Variants in LRP1B observed in about 807,000 individuals in gnomAD.
The protein encoded by LRP1B is LDL receptor related protein 1B, also known as low-density lipoprotein receptor-related protein 1B.
Under a neutral mutation model 556.6 loss-of-function variants are expected in LRP1B, and 217 were observed. The observed-to-expected ratio is 0.39, with a 90% confidence interval of 0.35 to 0.44. LRP1B has a LOEUF of 0.44. Ranked by LOEUF, LRP1B falls within the 20% of genes least tolerant of loss-of-function variation. The pLI is 1.00. For synonymous variants in LRP1B, 2,047 were observed against 1,865.8 expected (o/e 1.10, Z -2.50); for missense variants, 5,053 against 5,620.8 (o/e 0.90, Z 3.23).
intron 2 of LRP1B, among the ~76,000 whole-genome samples, chr2:141,497,701 C>T (rs1460632869): frequency 1.3e-5 from 2 of 151,974 alleles, no homozygotes; most frequent in South Asian, 2.1e-4. Context: ...TAGGTGTCCA[C>T]TAGGCCTGAA....
intron 42 of LRP1B, 28 bp from the exon 43 acceptor site, chr2:140,598,863 A>G: frequency 6.9e-7 from 1 of 1,439,654 alleles, no homozygotes. Flanking sequence ...TGTAACTATA[A>G]ATTAAACTTC....
intron 41 of LRP1B, among the ~76,000 whole-genome samples, chr2:140,603,604 A>G (rs1682755997): frequency 6.6e-6 from 1 of 152,132 alleles, no homozygotes; most frequent in African/African-American, 2.4e-5. Context: ...CCAATTCAGG[A>G]AGAAAACACT....
intron 2 of LRP1B, among the ~76,000 whole-genome samples, chr2:141,711,576 T>C (rs775129761): frequency 1.3e-4 from 20 of 152,318 alleles, no homozygotes; most frequent in Admixed American, 1.2e-3. Context: ...TATCAAAAAA[T>C]GCATCTGTTC....
chr2:140,880,134 TTAAC>T (rs1039844272), intron 25 of LRP1B, among the ~76,000 whole-genome samples: 13 of 152,146 alleles, frequency 8.5e-5, no homozygotes, highest in Admixed American at 5.2e-4. Context: ...AAAATTTAGT[TTAAC>T]TAAATTCAGT....
At chr2:140,919,098 A>G (rs1305142901) in intron 21 of LRP1B, among the ~76,000 whole-genome samples, 1 of 151,960 alleles carries the variant, frequency 6.6e-6, no homozygotes, top group Non-Finnish European at 1.5e-5. Context: ...TCATTTAGTC[A>G]TGAATAATTT....
At chr2:141,118,938 C>A (rs759624390) in intron 7 of LRP1B, among the ~76,000 whole-genome samples, 1 of 151,698 alleles carries the variant, frequency 6.6e-6, no homozygotes, top group Non-Finnish European at 1.5e-5. Context: ...TTCTGGAATT[C>A]TACATAGATA....
chr2:141,635,433 C>T (rs939443573), intron 2 of LRP1B, among the ~76,000 whole-genome samples: 13 of 152,042 alleles, frequency 8.6e-5, no homozygotes, highest in African/African-American at 3.1e-4. Flanking sequence ...AAAAAGTCTG[C>T]TGTATTTTGC....
chr2:141,119,655 T>G (rs1014999421), intron 7 of LRP1B, among the ~76,000 whole-genome samples: 2 of 151,772 alleles, frequency 1.3e-5, no homozygotes, highest in Non-Finnish European at 2.9e-5. Flanking sequence ...CAAAAATAAC[T>G]AATGCATGTC....
chr2:141,078,493 A>T (rs1699846823), intron 7 of LRP1B, among the ~76,000 whole-genome samples: 1 of 152,174 alleles, frequency 6.6e-6, no homozygotes, highest in African/African-American at 2.4e-5. Context: ...TATTTGACTT[A>T]GGTTTTTAAA....
intron 2 of LRP1B, among the ~76,000 whole-genome samples, chr2:141,490,022 G>A (rs538257836): frequency 6.6e-6 from 1 of 152,222 alleles, no homozygotes; most frequent in South Asian, 2.1e-4. Context: ...ATGTAAAGGT[G>A]ATTGATTTTG....
chr2:140,344,693 T>G (rs1681563070), intron 77 of LRP1B, among the ~76,000 whole-genome samples: 1 of 151,598 alleles, frequency 6.6e-6, no homozygotes, highest in African/African-American at 2.4e-5. Flanking sequence ...AGGTTTTGTT[T>G]TAGATACAAA....
intron 41 of LRP1B, among the ~76,000 whole-genome samples, chr2:140,650,297 C>A (rs1684630536): frequency 6.8e-6 from 1 of 148,138 alleles, no homozygotes; most frequent in African/African-American, 2.5e-5. Context: ...AGTTAAATCA[C>A]TTTATTTTTA....
intron 66 of LRP1B, among the ~76,000 whole-genome samples, chr2:140,428,453 C>T (rs986644311): frequency 6.6e-6 from 1 of 152,198 alleles, no homozygotes; most frequent in African/African-American, 2.4e-5. Context: ...AAGGAATGCC[C>T]ACAGCCCGGG....
At chr2:140,674,369 G>C (rs1387268628) in intron 41 of LRP1B, among the ~76,000 whole-genome samples, 2 of 152,090 alleles carry the variant, frequency 1.3e-5, no homozygotes, top group Non-Finnish European at 2.9e-5. Context: ...CCTTTTAAAG[G>C]TCTGAATAGG....
intron 1 of LRP1B, among the ~76,000 whole-genome samples, chr2:141,974,170 C>G (rs1701819956): frequency 6.6e-6 from 1 of 151,884 alleles, no homozygotes; most frequent in African/African-American, 2.4e-5. Flanking sequence ...ATTAGAAAGA[C>G]CTGGTTGAGA....
At chr2:141,043,093 C>A (rs1276749249) in intron 11 of LRP1B, among the ~76,000 whole-genome samples, 1 of 149,914 alleles carries the variant, frequency 6.7e-6, no homozygotes, top group Admixed American at 6.6e-5. Context: ...TTCCTAGCCA[C>A]TTGAGGGGCT....
intron 66 of LRP1B, among the ~76,000 whole-genome samples, chr2:140,417,961 C>G (rs1227691649): frequency 6.6e-6 from 1 of 152,114 alleles, no homozygotes. Context: ...TTCTAAAGGT[C>G]GATCACTAGC....
At chr2:140,785,891 G>A (rs952381225) in intron 32 of LRP1B, among the ~76,000 whole-genome samples, 3 of 152,130 alleles carry the variant, frequency 2.0e-5, no homozygotes, top group Non-Finnish European at 2.9e-5. Flanking sequence ...TCTCCACCTC[G>A]ATTGCTTCTC....
At chr2:140,237,358 G>A (rs1366595757) in intron 89 of LRP1B, among the ~76,000 whole-genome samples, 1 of 150,678 alleles carries the variant, frequency 6.6e-6, no homozygotes, top group Non-Finnish European at 1.5e-5. Flanking sequence ...CTTTTTTATG[G>A]CTGAATAGCA....
Sources: allele counts gnomAD v4.1 joint callset (sites outside exome capture counted in the v4.1 genomes callset), GRCh38; gene constraint gnomAD v4.1.1; transcripts MANE v1.5; gene names NCBI Gene and HGNC (gene_info 2026-07-23, HGNC 2026-07-21).